The following DGKB variants were observed in gnomAD, a reference collection of about 807,000 sequenced individuals.
DGKB encodes diacylglycerol kinase beta.
In DGKB, 67 loss-of-function variants were observed where a neutral mutation model predicts 114.3. That is an observed-to-expected ratio of 0.59 (90% CI 0.48 to 0.72). DGKB has a LOEUF of 0.72. DGKB is among the 30% of genes least tolerant of loss of function. DGKB has a pLI of 0.00. For synonymous variants in DGKB, 398 were observed against 323.1 expected, an observed-to-expected ratio of 1.23 and a Z score of -2.49; for missense variants, 907 against 975.2, an observed-to-expected ratio of 0.93 and a Z score of 0.93.
chr7:14,659,694 T>G (rs907017529), intron 13 of DGKB, among the ~76,000 whole-genome samples: 47 of 148,084 alleles, frequency 3.2e-4, no homozygotes, highest in Middle Eastern at 3.5e-3. Flanking sequence ...ACAATTTGAC[T>G]TCCTCTTTTC....
intron 24 of DGKB, 104 bp downstream of exon 24, chr7:14,177,927 G>A: frequency 1.7e-6 from 2 of 1,208,960 alleles, no homozygotes; most frequent in Non-Finnish European, 1.1e-6. Flanking sequence ...CTGATTATTT[G>A]GAGCCCAAAG....
chr7:14,903,990 T>C (rs1248552241), upstream of DGKB, among the ~76,000 whole-genome samples: 3 of 152,206 alleles, frequency 2.0e-5, no homozygotes, highest in African/African-American at 7.2e-5. Flanking sequence ...ACCAACTTGA[T>C]TCTGTCTTCT....
At chr7:14,754,124 G>C (rs1834515529) in intron 3 of DGKB, among the ~76,000 whole-genome samples, 176 bp from the exon 4 acceptor site, 1 of 152,086 alleles carries the variant, frequency 6.6e-6, no homozygotes, top group Admixed American at 6.6e-5. Flanking sequence ...GCATAAGTTA[G>C]AAAACTGATA....
intron 25 of DGKB, among the ~76,000 whole-genome samples, chr7:14,158,859 T>C (rs1400603938): frequency 6.6e-6 from 1 of 152,184 alleles, no homozygotes; most frequent in East Asian, 1.9e-4. Context: ...TGACACCTTC[T>C]TTTCCTTACC....
chr7:14,200,722 G>T (rs369376912), intron 23 of DGKB, among the ~76,000 whole-genome samples: 1 of 151,946 alleles, frequency 6.6e-6, no homozygotes, highest in African/African-American at 2.4e-5. Context: ...GATGTAAAAA[G>T]CTATTAGTCT....
At chr7:14,602,362 T>C (rs879692) in intron 17 of DGKB, among the ~76,000 whole-genome samples, 3,809 of 152,200 alleles carry the variant, frequency 0.025, 153 homozygotes, top group Admixed American at 0.079. Context: ...AATGTATCTG[T>C]ATGTAAGAAG....
At chr7:14,430,833 C>G (rs1417112603) in intron 21 of DGKB, among the ~76,000 whole-genome samples, 1 of 152,042 alleles carries the variant, frequency 6.6e-6, no homozygotes, top group Non-Finnish European at 1.5e-5. Flanking sequence ...ATAATATTTA[C>G]TTTGATTTTC....
At chr7:14,423,737 T>G (rs561941883) in intron 21 of DGKB, among the ~76,000 whole-genome samples, 102 of 152,218 alleles carry the variant, frequency 6.7e-4, no homozygotes, top group African/African-American at 2.3e-3. Context: ...TTAAAATCAT[T>G]GACACACATT....
intron 23 of DGKB, among the ~76,000 whole-genome samples, chr7:14,235,789 C>T (rs1466047817): frequency 1.3e-5 from 2 of 152,004 alleles, no homozygotes; most frequent in South Asian, 4.1e-4. Context: ...ACTTAAAAGA[C>T]AATGTATTGA....
intron 2 of DGKB, among the ~76,000 whole-genome samples, chr7:14,836,031 T>G (rs1473732514): frequency 6.6e-6 from 1 of 152,172 alleles, no homozygotes; most frequent in Non-Finnish European, 1.5e-5. Flanking sequence ...AACAAGATTT[T>G]GAGGTGGGAT....
At chr7:14,472,685 T>A (rs978265741) in intron 21 of DGKB, among the ~76,000 whole-genome samples, 2 of 152,134 alleles carry the variant, frequency 1.3e-5, no homozygotes, top group African/African-American at 4.8e-5. Context: ...TAGAGACTTG[T>A]TGAATGGCTT....
intron 15 of DGKB, among the ~76,000 whole-genome samples, chr7:14,616,525 G>T (rs1806562133): frequency 6.6e-6 from 1 of 151,634 alleles, no homozygotes; most frequent in African/African-American, 2.4e-5. Flanking sequence ...TGTCCTTTTT[G>T]TTATAGATTT....
chr7:14,213,864 G>A (rs1788532278), intron 23 of DGKB, among the ~76,000 whole-genome samples: 1 of 152,086 alleles, frequency 6.6e-6, no homozygotes, highest in Non-Finnish European at 1.5e-5. Context: ...GCCAATAAGT[G>A]ATAGTAATAA....
chr7:14,697,743 GGAAAGAAAGAAA>G (rs749957853), intron 8 of DGKB, among the ~76,000 whole-genome samples: 11 of 119,076 alleles, frequency 9.2e-5, no homozygotes, highest in East Asian at 2.4e-4. Context: ...GAAAGAAGGA[GGAAAGAAAGAAA>G]GAAAGAAAGA....
chr7:14,222,089 A>T (rs1790073074), intron 23 of DGKB, among the ~76,000 whole-genome samples: 1 of 150,882 alleles, frequency 6.6e-6, no homozygotes, highest in Non-Finnish European at 1.5e-5. Context: ...TTGATCTTTT[A>T]AAAAAACTTG....
chr7:14,662,094 T>C (rs1015994545), intron 13 of DGKB, among the ~76,000 whole-genome samples: 3 of 152,022 alleles, frequency 2.0e-5, no homozygotes, highest in African/African-American at 7.2e-5. Context: ...ATGGGAGATA[T>C]ACCTAATGCT....
intron 21 of DGKB, among the ~76,000 whole-genome samples, chr7:14,391,549 G>A (rs574207242): frequency 1.3e-5 from 2 of 151,740 alleles, no homozygotes; most frequent in Non-Finnish European, 2.9e-5. Context: ...AAATTAGCCC[G>A]GTGTGGTGGC....
At position 14,663,507 on chromosome 7, in the gene DGKB, T is replaced by C. The variant is rs1448723749; in HGVS notation, c.1134+9422A>G. Reference sequence around the variant, plus strand: ...GACTTGCCCACAGATCAGGAGTTCATGTAAGAACTCTGGACTCTAGTCTTC... The same window carrying C: ...GACTTGCCCACAGATCAGGAGTTCACGTAAGAACTCTGGACTCTAGTCTTC... On this transcript the variant is annotated intron_variant, in intron 13 of 25. Transcript: ENST00000402815. 3.9e-5 allele frequency among the ~76,000 whole-genome samples: 6 copies of C among 152,010 alleles called. 1 individual carries two copies. The highest frequency in any genetic ancestry group is 1.9e-4 in the East Asian group (1 of 5,164).
At chr7:14,591,248 G>A (rs78265154) in intron 17 of DGKB, among the ~76,000 whole-genome samples, 3,399 of 152,184 alleles carry the variant, frequency 0.022, 145 homozygotes, top group African/African-American at 0.078. Flanking sequence ...GGAAACTTTT[G>A]TACTGCGTAT....
Sources: gnomAD v4.1 joint callset for allele counts (sites outside exome capture counted in the v4.1 genomes callset) on GRCh38, gnomAD v4.1.1 for gene constraint, MANE v1.5 for transcripts, NCBI Gene and HGNC (gene_info 2026-07-23, HGNC 2026-07-21) for gene names.